PTPRN2: variants seen among roughly 807,000 people sequenced by gnomAD.
PTPRN2 encodes receptor-type tyrosine-protein phosphatase N2.
In PTPRN2, 74 loss-of-function variants were observed where a neutral mutation model predicts 118.8. The observed-to-expected ratio is 0.62, with a 90% CI of 0.52 to 0.76. The LOEUF (loss-of-function observed/expected upper bound fraction) is 0.76. Among genes scored for constraint, PTPRN2 ranks in the 30% least tolerant of loss-of-function variants. The probability of loss-of-function intolerance (pLI) is 0.00; values close to 1 mark genes in which losing one functional copy is unlikely to be tolerated. For missense variants in PTPRN2, 1,481 were observed against 1,394.4 expected (o/e 1.06, Z -0.99); for synonymous variants, 641 against 608.0 (o/e 1.05, Z -0.80).
Position 158,192,505 on chromosome 7 carries a change from C to T in PTPRN2, c.381-10G>A, listed in dbSNP as rs749137831. 2 of 1,572,826 alleles carry T rather than the reference C, an allele frequency of 1.3e-6. No homozygotes were observed. The highest frequency in any genetic ancestry group is 1.2e-5 in the South Asian group (1 of 85,144). ...GCTGTGTTTTGAGGGCCTGAAAAAG[C>T]AAAAGAAACCAGACATCAACCGCAT... On this transcript the variant is annotated splice_polypyrimidine_tract_variant and intron_variant, in intron 4 of 22. Transcript: ENST00000389418.
intron 2 of PTPRN2, among the ~76,000 whole-genome samples, chr7:158,466,995 C>T (rs184594198): frequency 1.4e-4 from 21 of 152,304 alleles, no homozygotes; most frequent in East Asian, 1.2e-3. Flanking sequence ...GAGCTGAGAT[C>T]GTGCCACTGT....
At chr7:157,996,236 G>A (rs753577676) in intron 11 of PTPRN2, among the ~76,000 whole-genome samples, 8 of 152,230 alleles carry the variant, frequency 5.3e-5, no homozygotes, top group Non-Finnish European at 1.2e-4. Flanking sequence ...TTACATGCGT[G>A]CATGGATGTA....
At chr7:158,347,483 C>T (rs536955822) in intron 2 of PTPRN2, among the ~76,000 whole-genome samples, 2 of 152,298 alleles carry the variant, frequency 1.3e-5, no homozygotes, top group African/African-American at 4.8e-5. Context: ...GTTGCCAGTA[C>T]CACGTTGTTT....
intron 11 of PTPRN2, among the ~76,000 whole-genome samples, chr7:157,917,949 GA>G (rs1167867354): frequency 2.0e-5 from 3 of 152,090 alleles, no homozygotes; most frequent in Non-Finnish European, 4.4e-5. Context: ...AGTGAAATTT[GA>G]CTAAGATTTT....
chr7:158,522,797 C>T lies in PTPRN2; in HGVS notation c.113-33012G>A, dbSNP rs112055003. Among the ~76,000 whole-genome samples the T allele has an allele frequency of 7.5e-3, 1,136 of 152,296 alleles. 14 individuals carry two copies. The highest frequency in any genetic ancestry group is 0.026 in the African/African-American group (1,090 of 41,554). ...TCACGTGGACATTGGCTTTCCTTGT[C>T]TTGAGAGCAGCTCACCATCACGAGT... On this transcript the variant is annotated intron_variant, in intron 1 of 22. Coordinates refer to ENST00000389418, the MANE Select transcript of PTPRN2 (RefSeq NM_002847.5).
chr7:157,702,211 C>T lies in PTPRN2; in HGVS notation c.1789-19274G>A, dbSNP rs537883959. 6.7e-4 allele frequency among the ~76,000 whole-genome samples: 99 copies of T among 148,720 alleles called. 1 individual carries two copies. Among genetic ancestry groups the T allele is most frequent in the Non-Finnish European group, 1.1e-3 (76 of 67,564 alleles). The stretch of plus-strand genomic sequence containing the variant: ...GCCGGGTAGGTGCTGGTGTAACTGA[C>T]GTGGGCTGTGCATTTATGAGAAAGC... On this transcript the variant is annotated intron_variant, in intron 12 of 22. Transcript: ENST00000389418.
intron 11 of PTPRN2, among the ~76,000 whole-genome samples, chr7:158,061,699 T>C: frequency 6.6e-6 from 1 of 152,162 alleles, no homozygotes; most frequent in Non-Finnish European, 1.5e-5. Context: ...GCAATGGGGG[T>C]GTCCTTCATC....
At chr7:158,257,800 G>A (rs1047449159) in intron 3 of PTPRN2, among the ~76,000 whole-genome samples, 42 of 152,244 alleles carry the variant, frequency 2.8e-4, no homozygotes, top group African/African-American at 8.4e-4. Context: ...GATGGCGTGC[G>A]TGCCAGGGGT....
At chr7:158,039,188 A>G (rs949809401) in intron 11 of PTPRN2, among the ~76,000 whole-genome samples, 1 of 152,254 alleles carries the variant, frequency 6.6e-6, no homozygotes, top group African/African-American at 2.4e-5. Context: ...GCGTGGATAA[A>G]TCCTCAAAAT....
At position 157,550,149 on chromosome 7, in the gene PTPRN2, T is replaced by C. The variant is rs1798522440; in HGVS notation, c.2903-1130A>G. Among the ~76,000 whole-genome samples, 1 of 152,212 alleles carries C rather than the reference T, an allele frequency of 6.6e-6. No homozygotes were observed. Among genetic ancestry groups the C allele is most frequent in the Admixed American group, 6.5e-5 (1 of 15,284 alleles). ...CACACCACATTCCTCGCCCAGCGAATCAGGAGAGAAGCTTTAAAATTCCCG... is the reference window on the plus strand; with the variant it reads ...CACACCACATTCCTCGCCCAGCGAACCAGGAGAGAAGCTTTAAAATTCCCG... On this transcript the variant is annotated intron_variant, in intron 21 of 22. Transcript: ENST00000389418. This position sits in a 1 kb window ranked among gnomAD's most constrained non-coding sequence, Gnocchi z 5.2.
chr7:157,660,943 C>T (rs1374867083), intron 13 of PTPRN2, among the ~76,000 whole-genome samples: 2 of 152,194 alleles, frequency 1.3e-5, no homozygotes, highest in Non-Finnish European at 2.9e-5. Context: ...TTAGTAGAGA[C>T]GGGCTTCACC....
intron 12 of PTPRN2, chr7:157,865,352 G>A: frequency 6.6e-6 from 1 of 152,222 alleles, no homozygotes; most frequent in East Asian, 1.9e-4. Context: ...GATCCTAACT[G>A]ATCTGCTACC....
chr7:158,248,770 C>T (rs1465336368), intron 3 of PTPRN2, among the ~76,000 whole-genome samples: 1 of 127,342 alleles, frequency 7.9e-6, no homozygotes, highest in Admixed American at 8.3e-5. Flanking sequence ...CATATGTGCA[C>T]ATCGCACACA....
intron 2 of PTPRN2, among the ~76,000 whole-genome samples, chr7:158,465,205 C>G (rs1288422120): frequency 6.6e-6 from 1 of 152,218 alleles, no homozygotes; most frequent in Non-Finnish European, 1.5e-5. Flanking sequence ...CGAAGTGACA[C>G]TCTGGTGGCT....
Position 158,153,097 on chromosome 7 carries a change from G to A in PTPRN2, c.910+13834C>T, listed in dbSNP as rs574203560. ...CCGACTGGGGGGACAAGAGCAGACCGACAGACACCAGCATACCATCGACCA... is the reference window on the plus strand; with the variant it reads ...CCGACTGGGGGGACAAGAGCAGACCAACAGACACCAGCATACCATCGACCA... On this transcript the variant is annotated intron_variant, in intron 6 of 22. Transcript: ENST00000389418. Among the ~76,000 whole-genome samples the A allele has an allele frequency of 4.6e-5, 7 of 151,836 alleles. No individual in the cohort carries two copies. In the East Asian group the frequency reaches 9.7e-4, roughly 21 times the overall value.
In PTPRN2 at chr7:157,564,099, A is replaced by G. The variant is rs575362377; in HGVS notation, c.2902+4803T>C. Among the ~76,000 whole-genome samples the G allele has an allele frequency of 2.1e-3, 313 of 152,000 alleles. 1 individual carries two copies. The highest frequency in any genetic ancestry group is 7.2e-3 in the African/African-American group (297 of 41,406). ...GTCTTTGTGACCTTGGATTTGGCCAATATATCTTGGGTATGATACTAAAAG... is the reference window on the plus strand; with the variant it reads ...GTCTTTGTGACCTTGGATTTGGCCAGTATATCTTGGGTATGATACTAAAAG... On this transcript the variant is annotated intron_variant, in intron 21 of 22. Coordinates refer to ENST00000389418, the MANE Select transcript of PTPRN2 (RefSeq NM_002847.5).
chr7:157,566,382 C>T (rs749016027), intron 21 of PTPRN2, among the ~76,000 whole-genome samples: 13 of 152,234 alleles, frequency 8.5e-5, no homozygotes, highest in Non-Finnish European at 1.6e-4. Context: ...AAAGACGCCC[C>T]GCCACACGGG....
At position 157,743,221 on chromosome 7, in the gene PTPRN2, G is replaced by A. The variant is rs551858614; in HGVS notation, c.1789-60284C>T. ...GGCAGGGGAGGCAGCTCTGGGAACC[G>A]ACCATCAGCAAAGGTCAGAGACTTA... On this transcript the variant is annotated intron_variant, in intron 12 of 22. Coordinates refer to ENST00000389418, the MANE Select transcript of PTPRN2 (RefSeq NM_002847.5). Among the ~76,000 whole-genome samples the A allele has an allele frequency of 2.0e-5, 3 of 152,290 alleles. No homozygotes were observed. In the East Asian group the frequency reaches 5.8e-4, roughly 29 times the overall value.
chr7:158,457,562 TCCTTCCA>T, intron 2 of PTPRN2, among the ~76,000 whole-genome samples: 1 of 96,952 alleles, frequency 1.0e-5, no homozygotes, highest in African/African-American at 4.1e-5. Flanking sequence ...CCGTCAAAAC[TCCTTCCA>T]AGTTCATTAG....
Sources: allele counts gnomAD v4.1 joint callset (sites outside exome capture counted in the v4.1 genomes callset), GRCh38; gene constraint gnomAD v4.1.1; non-coding constraint Gnocchi (gnomAD v3.1); transcripts MANE v1.5; gene names NCBI Gene and HGNC (gene_info 2026-07-23, HGNC 2026-07-21).